SOCS2: variants seen among roughly 807,000 people sequenced by gnomAD.
The protein encoded by SOCS2 is CIS-2.
SOCS2 carries 10 observed loss-of-function variants against 18.6 expected under a neutral mutation model. That is an observed-to-expected ratio of 0.54 (90% CI 0.33 to 0.91). The LOEUF (loss-of-function observed/expected upper bound fraction) is 0.91, where lower values mean the gene tolerates loss of function less well. Ranked by LOEUF, SOCS2 falls within the 40% of genes least tolerant of loss-of-function variation. The pLI is 0.02. For synonymous variants in SOCS2, 104 were observed against 104.0 expected, an observed-to-expected ratio of 1.00 and a Z score of 0.00; for missense variants, 231 against 247.2, an observed-to-expected ratio of 0.93 and a Z score of 0.44.
At chr12:93,576,998 G>A (rs1954475457), downstream of SOCS2, among the ~76,000 whole-genome samples, 1 of 152,202 alleles carries the variant, frequency 6.6e-6, no homozygotes, top group Admixed American at 6.5e-5. Flanking sequence ...GACAACACCT[G>A]TTTAGTGTTG....
At chr12:93,571,871 T>C (rs968103070), upstream of SOCS2, 1 of 413,138 alleles carries the variant, frequency 2.4e-6, no homozygotes, top group Admixed American at 2.6e-5. Flanking sequence ...CTGAGGAGGC[T>C]GCCTGGTGCG....
chr12:93,623,398 TTTTA>T, the SOCS2 span, among the ~76,000 whole-genome samples: 31 of 152,176 alleles, frequency 2.0e-4, no homozygotes, highest in South Asian at 8.3e-4. Context: ...GGGAAGTTCT[TTTTA>T]TTTATTTATT....
the SOCS2 span, among the ~76,000 whole-genome samples, chr12:93,600,753 A>T: frequency 6.6e-6 from 1 of 150,652 alleles, no homozygotes; most frequent in Non-Finnish European, 1.5e-5. Flanking sequence ...ATCTTTTAAA[A>T]TTTTGATTAA....
At chr12:93,623,647 C>T in the SOCS2 span, among the ~76,000 whole-genome samples, 1 of 152,098 alleles carries the variant, frequency 6.6e-6, no homozygotes, top group African/African-American at 2.4e-5. Flanking sequence ...GGGCACTACC[C>T]TCTAGGTACT....
downstream of SOCS2, among the ~76,000 whole-genome samples, chr12:93,584,876 C>T (rs1387457429): frequency 6.6e-6 from 1 of 152,122 alleles, no homozygotes; most frequent in African/African-American, 2.4e-5. Flanking sequence ...GATTCTCTCG[C>T]CTCAGCCTCC....
chr12:93,625,326 A>G, the SOCS2 span, among the ~76,000 whole-genome samples: 1 of 152,212 alleles, frequency 6.6e-6, no homozygotes. Flanking sequence ...TTCTCAGTGC[A>G]TGTCTTCACT....
At chr12:93,604,852 G>A in the SOCS2 span, among the ~76,000 whole-genome samples, 1 of 151,812 alleles carries the variant, frequency 6.6e-6, no homozygotes, top group South Asian at 2.1e-4. Flanking sequence ...GTAGAGACAG[G>A]GTCCCACTAT....
At chr12:93,593,435 A>G in the SOCS2 span, among the ~76,000 whole-genome samples, 3 of 152,366 alleles carry the variant, frequency 2.0e-5, no homozygotes, top group African/African-American at 7.2e-5. Context: ...TGATTTACAT[A>G]TACAAGGAAC....
At chr12:93,588,949 G>T in the SOCS2 span, among the ~76,000 whole-genome samples, 1 of 152,164 alleles carries the variant, frequency 6.6e-6, no homozygotes, top group Non-Finnish European at 1.5e-5. Context: ...TGATAGATCA[G>T]GGACATAAAG....
At chr12:93,578,687 C>T (rs1470399639), downstream of SOCS2, among the ~76,000 whole-genome samples, 2 of 149,194 alleles carry the variant, frequency 1.3e-5, no homozygotes, top group African/African-American at 5.0e-5. Context: ...TGCTCGCACA[C>T]ACACACACAC....
chr12:93,572,203 C>T (rs186664738), upstream of SOCS2: 420 of 169,402 alleles, frequency 2.5e-3, 4 homozygotes, highest in Non-Finnish European at 3.6e-3. This position sits in a 1 kb window ranked among gnomAD's most constrained non-coding sequence, Gnocchi z 5.0. Flanking sequence ...GCCTCGGGGC[C>T]CCGCAGCGCT....
chr12:93,611,001 T>C, the SOCS2 span, among the ~76,000 whole-genome samples: 1,126 of 152,304 alleles, frequency 7.4e-3, 11 homozygotes, highest in African/African-American at 0.026. Flanking sequence ...TTTTTAGAAC[T>C]CCACAGGGTT....
the SOCS2 span, among the ~76,000 whole-genome samples, chr12:93,622,252 G>A: frequency 3.3e-5 from 5 of 152,318 alleles, no homozygotes; most frequent in South Asian, 1.0e-3. Flanking sequence ...CCCTGATTCT[G>A]TGGGGATGAT....
chr12:93,571,910 T>G (rs1592821068), upstream of SOCS2: 1 of 415,896 alleles, frequency 2.4e-6, no homozygotes, highest in South Asian at 1.6e-5. Context: ...GCGGCCGAGG[T>G]CGAGGTAAGA....
At chr12:93,607,386 AT>A in the SOCS2 span, among the ~76,000 whole-genome samples, 1 of 152,170 alleles carries the variant, frequency 6.6e-6, no homozygotes, top group Non-Finnish European at 1.5e-5. Flanking sequence ...TTTCCAAGAG[AT>A]GGCATGTGCT....
chr12:93,602,385 T>G, the SOCS2 span, among the ~76,000 whole-genome samples: 1 of 152,208 alleles, frequency 6.6e-6, no homozygotes, highest in East Asian at 1.9e-4. Flanking sequence ...CATAAGCCAC[T>G]GTCACTGGCC....
chr12:93,602,957 G>A, the SOCS2 span, among the ~76,000 whole-genome samples: 2 of 152,194 alleles, frequency 1.3e-5, no homozygotes, highest in African/African-American at 2.4e-5. Flanking sequence ...AGAGAGCGCT[G>A]CTGGGCCTGC....
At chr12:93,588,420 T>C (rs375800528), downstream of SOCS2, among the ~76,000 whole-genome samples, 4 of 152,292 alleles carry the variant, frequency 2.6e-5, no homozygotes, top group African/African-American at 9.6e-5. Context: ...TTGTTTTTAT[T>C]TTATGATTTA....
rs1415758773 is a variant in SOCS2, at chr12:93,576,232, C to T, written c.*1053C>T. On this transcript the variant is annotated 3_prime_UTR_variant, in exon 2 of 2. Transcript: ENST00000551556. ...GTTGCACTTATTGAGTTCTAGAGAA[C>T]GTACACTTTCATGGTAATAGAGGAT... 6.6e-6 allele frequency: 1 copy of T among 152,590 alleles called. No homozygotes were observed. Among genetic ancestry groups the T allele is most frequent in the Non-Finnish European group, 1.5e-5 (1 of 68,026 alleles). 9.5% of individuals were successfully genotyped at this position (152,590 alleles called of 1,614,324 possible). A position where few individuals can be genotyped will look rare whatever the true frequency, so the allele number is the denominator to read the frequency against.
Sources: allele counts gnomAD v4.1 joint callset (sites outside exome capture counted in the v4.1 genomes callset), GRCh38; gene constraint gnomAD v4.1.1; non-coding constraint Gnocchi (gnomAD v3.1); transcripts MANE v1.5; gene names NCBI Gene and HGNC (gene_info 2026-07-23, HGNC 2026-07-21).